Variants in TRPC6 observed in about 807,000 individuals in gnomAD.
The protein encoded by TRPC6 is transient receptor potential cation channel subfamily C member 6.
TRPC6 carries 55 observed loss-of-function variants against 90.7 expected under a neutral mutation model. That is an observed-to-expected ratio of 0.61 (90% CI 0.49 to 0.76). TRPC6 has a LOEUF of 0.76. Ranked by LOEUF, TRPC6 falls within the 30% of genes least tolerant of loss-of-function variation. TRPC6 has a pLI of 0.00. For missense variants in TRPC6, 989 were observed against 1,122.7 expected (o/e 0.88, Z 1.70); for synonymous variants, 393 against 393.0 (o/e 1.00, Z 0.00).
intron 5 of TRPC6, among the ~76,000 whole-genome samples, chr11:101,479,838 GTT>G (rs1448878916): frequency 6.6e-6 from 1 of 152,088 alleles, no homozygotes; most frequent in Admixed American, 6.6e-5. Flanking sequence ...TCCTGTGTTT[GTT>G]AGGTTGCTAA....
intron 4 of TRPC6, 107 bp from the exon 5 acceptor site, chr11:101,483,272 T>G: frequency 4.2e-6 from 5 of 1,192,186 alleles, no homozygotes; most frequent in Non-Finnish European, 6.1e-6. Flanking sequence ...AATGATCTCC[T>G]GAGATAATTG....
intron 4 of TRPC6, 45 bp from the exon 5 acceptor site, chr11:101,483,210 C>A (rs201302507): frequency 1.1e-5 from 17 of 1,600,418 alleles, no homozygotes; most frequent in Non-Finnish European, 1.4e-5. Context: ...TTGTTTTGTA[C>A]ACTTTGCAAA....
At chr11:101,558,752 C>T (rs1861646946) in intron 1 of TRPC6, among the ~76,000 whole-genome samples, 1 of 152,040 alleles carries the variant, frequency 6.6e-6, no homozygotes, top group South Asian at 2.1e-4. Context: ...GCCAAGAATA[C>T]ACAATGGTAA....
In TRPC6 at chr11:101,583,707, G is replaced by T. The variant is rs935865788; in HGVS notation, c.-204C>A. On this transcript the variant is annotated 5_prime_UTR_variant, in exon 1 of 13. Transcript: ENST00000344327. ...GGCCCGGGGAAAAGTCACCACTTAA[G>T]GGGGTGCAAAGAGGATCTTGACCTG... 7.7e-6 allele frequency: 4 copies of T among 516,588 alleles called. No individual in the cohort carries two copies. The highest frequency in any genetic ancestry group is 7.8e-5 in the South Asian group (2 of 25,782). The allele number at this position is 516,588 out of a possible 1,614,324, so 32.0% of individuals were successfully genotyped here.
At chr11:101,569,374 C>G (rs1861905990) in intron 1 of TRPC6, among the ~76,000 whole-genome samples, 2 of 152,098 alleles carry the variant, frequency 1.3e-5, no homozygotes, top group African/African-American at 4.8e-5. Context: ...AAAGCAAGTT[C>G]TTAGAGACCT....
chr11:101,580,704 T>G (rs1055472516), intron 1 of TRPC6, among the ~76,000 whole-genome samples: 15 of 152,122 alleles, frequency 9.9e-5, no homozygotes, highest in Non-Finnish European at 1.3e-4. Flanking sequence ...GTCATAGAAT[T>G]TATTCCACAG....
chr11:101,477,245 A>T (rs1366660768), intron 5 of TRPC6, among the ~76,000 whole-genome samples: 1 of 151,044 alleles, frequency 6.6e-6, no homozygotes, highest in African/African-American at 2.4e-5. Context: ...TTTGACTTGT[A>T]TCCCTGCCTG....
chr11:101,470,443 C>T (rs1211493576), intron 9 of TRPC6, among the ~76,000 whole-genome samples: 1 of 152,052 alleles, frequency 6.6e-6, no homozygotes, highest in Admixed American at 6.6e-5. Flanking sequence ...CATTCTGGTC[C>T]TCCTCCTCTG....
At chr11:101,530,781 C>T (rs1860894559) in intron 1 of TRPC6, among the ~76,000 whole-genome samples, 1 of 152,090 alleles carries the variant, frequency 6.6e-6, no homozygotes, top group Non-Finnish European at 1.5e-5. Flanking sequence ...TCCCATCAGC[C>T]CTGGGACCCA....
chr11:101,578,472 T>C (rs1862119852), intron 1 of TRPC6, among the ~76,000 whole-genome samples: 1 of 152,240 alleles, frequency 6.6e-6, no homozygotes, highest in Non-Finnish European at 1.5e-5. Context: ...ACTTGTGGTC[T>C]CTAACATTAC....
chr11:101,491,999 C>A (rs912008702), intron 2 of TRPC6, among the ~76,000 whole-genome samples: 1 of 151,734 alleles, frequency 6.6e-6, no homozygotes, highest in South Asian at 2.1e-4. Flanking sequence ...CGCCACCACG[C>A]CCGGCTAATT....
At chr11:101,521,922 AC>A (rs1048227457) in intron 1 of TRPC6, among the ~76,000 whole-genome samples, 3 of 152,178 alleles carry the variant, frequency 2.0e-5, no homozygotes, top group African/African-American at 7.2e-5. Flanking sequence ...CAATGCCTGT[AC>A]CCCTGTCGCA....
At chr11:101,556,746 C>G (rs764456112) in intron 1 of TRPC6, among the ~76,000 whole-genome samples, 4 of 152,036 alleles carry the variant, frequency 2.6e-5, no homozygotes, top group African/African-American at 4.8e-5. Flanking sequence ...GATGAGAGCT[C>G]TACAAGAAAA....
rs536565771 is a variant in TRPC6 at position 101,471,098 on chromosome 11, T to A, written c.2409+85A>T. The stretch of plus-strand genomic sequence containing the variant: ...AATGAATGGATGTGTCATCAGGAAC[T>A]GCTTCTCTTTAAAGGGATGTGGCAT... On this transcript the variant is annotated intron_variant, in intron 9 of 12. Transcript: ENST00000344327. The A allele has an allele frequency of 1.2e-5, 16 of 1,334,924 alleles. No homozygotes were observed. In the African/African-American group the frequency reaches 2.0e-4, roughly 17 times the overall value. 82.7% of individuals were successfully genotyped at this position (1,334,924 alleles called of 1,614,324 possible).
chr11:101,541,303 A>G (rs1861166382), intron 1 of TRPC6, among the ~76,000 whole-genome samples: 1 of 152,110 alleles, frequency 6.6e-6, no homozygotes, highest in African/African-American at 2.4e-5. Flanking sequence ...TTTTTGACAA[A>G]ATGGAGTAGA....
In TRPC6 at chr11:101,583,570, C is replaced by G. The variant is rs1591157056; in HGVS notation, c.-67G>C. On this transcript the variant is annotated 5_prime_UTR_variant, in exon 1 of 13. Coordinates refer to ENST00000344327, the MANE Select transcript of TRPC6 (RefSeq NM_004621.6). ...GCCGAGTGGGCAGTTCCAGCGGGGA[C>G]CCGGTGCGGAGGGTTCGCGTCAGCG... The G allele has an allele frequency of 1.4e-6, 2 of 1,398,444 alleles. No homozygotes were observed. The highest frequency in any genetic ancestry group is 2.8e-5 in the East Asian group (1 of 35,980). 86.6% of individuals were successfully genotyped at this position (1,398,444 alleles called of 1,614,324 possible).
Position 101,452,484 on chromosome 11 carries a change from G to C in TRPC6, c.*471C>G, listed in dbSNP as rs1858785707. 5.8e-6 allele frequency: 1 copy of C among 172,332 alleles called. No individual in the cohort carries two copies. Among genetic ancestry groups the C allele is most frequent in the Non-Finnish European group, 1.3e-5 (1 of 79,278 alleles). 10.7% of individuals were successfully genotyped at this position (172,332 alleles called of 1,614,324 possible). A position where few individuals can be genotyped will look rare whatever the true frequency, so the allele number is the denominator to read the frequency against. On this transcript the variant is annotated 3_prime_UTR_variant, in exon 13 of 13. Coordinates refer to ENST00000344327, the MANE Select transcript of TRPC6 (RefSeq NM_004621.6). ...TGTTTAAACAGCATTCTAAAGAAAG[G>C]ATTAAAGCATTCTAAAGGCCCATGG...
Position 101,504,721 on chromosome 11 carries a change from C to G in TRPC6, c.248G>C (p.Gly83Ala), listed in dbSNP as rs199497734. Residue 83 changes from glycine to alanine, a missense_variant, in exon 2 of 13, where the codon GGA becomes GCA. Transcript: ENST00000344327. ...GCGATCACTAAACATGTATGCTGGT[C>G]CTCGATTAGCTAACCTTCTCCCCTT... ...REKGRRLANR[G>A]PAYMFSDRST... 6.3e-7 allele frequency: 1 copy of G among 1,593,574 alleles called. No individual in the cohort carries two copies. The highest frequency in any genetic ancestry group is 2.2e-5 in the East Asian group (1 of 44,718).
intron 1 of TRPC6, 55 bp downstream of exon 1, chr11:101,583,279 A>T: frequency 6.5e-7 from 1 of 1,531,292 alleles, no homozygotes; most frequent in South Asian, 1.2e-5. Flanking sequence ...CTGCGAGCGC[A>T]CAACCTCCCT....
Sources: allele counts gnomAD v4.1 joint callset (sites outside exome capture counted in the v4.1 genomes callset), GRCh38; gene constraint gnomAD v4.1.1; transcripts MANE v1.5; gene names NCBI Gene and HGNC (gene_info 2026-07-23, HGNC 2026-07-21).